GRM5: variants seen among roughly 807,000 people sequenced by gnomAD.
GRM5 encodes the protein metabotropic glutamate receptor 5.
In GRM5, 19 loss-of-function variants were observed where a neutral mutation model predicts 83.1. That is an observed-to-expected ratio of 0.23 (90% CI 0.16 to 0.34). The LOEUF (loss-of-function observed/expected upper bound fraction) is 0.34. Ranked by LOEUF, GRM5 falls within the 10% of genes least tolerant of loss-of-function variation. GRM5 has a pLI of 1.00. For missense variants in GRM5, 1,160 were observed against 1,588.3 expected (o/e 0.73, Z 4.58); for synonymous variants, 675 against 633.6 (o/e 1.07, Z -0.98).
At chr11:88,992,167 CAAGA>C (rs1320259622) in intron 2 of GRM5, among the ~76,000 whole-genome samples, 1 of 152,064 alleles carries the variant, frequency 6.6e-6, no homozygotes, top group Non-Finnish European at 1.5e-5. Context: ...AACAAATTTA[CAAGA>C]AAGAAACAAA....
In GRM5 at chr11:89,048,067, C is replaced by G. The variant is rs1463695961; in HGVS notation, c.-195G>C. ...AGATGATCCATGTGGTCATGATCTT[C>G]TAAACCTGAAAAAAAAAAAATAACA... On this transcript the variant is annotated 5_prime_UTR_variant, in exon 2 of 10. Transcript: ENST00000305447. The G allele has an allele frequency of 3.8e-6, 2 of 522,650 alleles. No individual in the cohort carries two copies. Among genetic ancestry groups the G allele is most frequent in the South Asian group, 2.6e-5 (1 of 38,558 alleles). The allele number at this position is 522,650 out of a possible 1,614,324, so 32.4% of individuals were successfully genotyped here.
Position 88,573,059 on chromosome 11 carries a change from C to T in GRM5, c.1691-5067G>A, listed in dbSNP as rs182251317. Among the ~76,000 whole-genome samples the T allele has an allele frequency of 7.1e-4, 108 of 152,218 alleles. 1 individual carries two copies. The highest frequency in any genetic ancestry group is 3.4e-3 in the Middle Eastern group (1 of 294). ...AAAACTGCGGTCCATTTTCTAATAA[C>T]ATCTATTTAGGTATCTATTCACTTT... On this transcript the variant is annotated intron_variant, in intron 7 of 9. Transcript: ENST00000305447.
chr11:88,931,524 A>C (rs1937705585), intron 2 of GRM5, among the ~76,000 whole-genome samples: 1 of 152,082 alleles, frequency 6.6e-6, no homozygotes, highest in Admixed American at 6.6e-5. Flanking sequence ...ATTGATAAGT[A>C]CAATGTAAAC....
Position 88,866,740 on chromosome 11 carries a change from G to T in GRM5, c.662-16585C>A, listed in dbSNP as rs552914837. ...ATTATGCTATACAATCTTGGCTTTT[G>T]TTGCCTTTGCTGTTGGTGCTTTAGT... is the stretch of plus-strand genomic sequence containing the variant. On this transcript the variant is annotated intron_variant, in intron 2 of 9. Transcript: ENST00000305447. 3.6e-3 allele frequency among the ~76,000 whole-genome samples: 550 copies of T among 152,182 alleles called. 3 individuals carry two copies. The highest frequency in any genetic ancestry group is 0.016 in the South Asian group (78 of 4,812).
intron 2 of GRM5, among the ~76,000 whole-genome samples, chr11:88,994,693 A>G (rs1405185696): frequency 6.8e-6 from 1 of 147,716 alleles, no homozygotes; most frequent in Admixed American, 6.7e-5. Context: ...ATTTTAATTT[A>G]CTTTATATCA....
intron 3 of GRM5, among the ~76,000 whole-genome samples, chr11:88,740,196 G>A (rs562674883): frequency 1.4e-4 from 22 of 152,124 alleles, no homozygotes; most frequent in African/African-American, 4.6e-4. Context: ...AATTTTAGCA[G>A]TTATTGATTA....
intron 2 of GRM5, among the ~76,000 whole-genome samples, chr11:88,943,450 G>A (rs4417271): frequency 3.2e-4 from 49 of 152,158 alleles, no homozygotes; most frequent in African/African-American, 1.1e-3. Flanking sequence ...GTCTAGGTCT[G>A]ACTGTAATGG....
At chr11:88,578,449 C>A (rs979117261) in intron 7 of GRM5, among the ~76,000 whole-genome samples, 1 of 152,138 alleles carries the variant, frequency 6.6e-6, no homozygotes, top group African/African-American at 2.4e-5. Context: ...CTGGCCATGT[C>A]AGAGTGGTTT....
intron 9 of GRM5, among the ~76,000 whole-genome samples, chr11:88,518,172 TTAA>T (rs1206745821): frequency 6.6e-6 from 1 of 151,918 alleles, no homozygotes; most frequent in Non-Finnish European, 1.5e-5. Context: ...TATGTTCAAT[TTAA>T]TAATATAAAA....
chr11:88,631,584 A>G (rs1436859925), intron 4 of GRM5, among the ~76,000 whole-genome samples: 1 of 152,196 alleles, frequency 6.6e-6, no homozygotes, highest in Non-Finnish European at 1.5e-5. Context: ...TAAATGAAGA[A>G]GGCAGGGCTA....
At chr11:88,524,671 C>T (rs1231348918) in intron 9 of GRM5, among the ~76,000 whole-genome samples, 7 of 152,156 alleles carry the variant, frequency 4.6e-5, no homozygotes, top group East Asian at 3.8e-4. Context: ...CACAGCACAG[C>T]GACAGAGAAT....
At chr11:88,677,399 A>G (rs1028277144) in intron 3 of GRM5, among the ~76,000 whole-genome samples, 2 of 152,134 alleles carry the variant, frequency 1.3e-5, no homozygotes, top group Non-Finnish European at 2.9e-5. Context: ...TTTAGCACTT[A>G]GATTTCTCTT....
chr11:88,525,494 T>C (rs1309358215), intron 8 of GRM5, 90 bp from the exon 9 acceptor site: 3 of 779,526 alleles, frequency 3.8e-6, no homozygotes, highest in Non-Finnish European at 6.5e-6. Flanking sequence ...ACTGTGGAGA[T>C]GGTCACTCTG....
rs377278740 is a variant in GRM5, at chr11:88,835,698, G to A, written c.911+14208C>T. On this transcript the variant is annotated intron_variant, in intron 3 of 9. Transcript: ENST00000305447. The stretch of plus-strand genomic sequence containing the variant: ...AAGAAAAGAAGCATTTTTAATCCAT[G>A]TTATTGATACAATTTAGCAAATGAG... 4.4e-4 allele frequency among the ~76,000 whole-genome samples: 67 copies of A among 152,316 alleles called. No homozygotes were observed. In the East Asian group the frequency reaches 6.6e-3, roughly 15 times the overall value.
chr11:88,524,169 C>T (rs1025893396), intron 9 of GRM5: 2 of 138,750 alleles, frequency 1.4e-5, no homozygotes, highest in East Asian at 2.0e-4. Flanking sequence ...GTCTCCAGGG[C>T]CCTTTTCTTT....
chr11:88,847,281 A>C (rs1944315848), intron 3 of GRM5, among the ~76,000 whole-genome samples: 1 of 152,172 alleles, frequency 6.6e-6, no homozygotes, highest in Non-Finnish European at 1.5e-5. Flanking sequence ...TGTAAGTATC[A>C]TAAGGGCAAT....
At chr11:88,683,078 T>C (rs6483365) in intron 3 of GRM5, among the ~76,000 whole-genome samples, 151,304 of 152,286 alleles carry the variant, frequency 0.99, 75,174 homozygotes, top group East Asian at 1. Context: ...CTTATATCAG[T>C]ATTATGTTAT....
rs1565236198 is a variant in GRM5 at position 88,798,823 on chromosome 11, A to AC, written c.911+51082_911+51083insG. On this transcript the variant is annotated intron_variant, in intron 3 of 9. Coordinates refer to ENST00000305447, the MANE Select transcript of GRM5 (RefSeq NM_001143831.3). ...AAAACACCAAAAAAAAAAAAAAAAA[A>AC]AAAACAACAACAACAACAAAAAAAA... Among the ~76,000 whole-genome samples the AC allele has an allele frequency of 4.1e-5, 5 of 120,590 alleles. No homozygotes were observed. The East Asian group carries it at 8.3e-4, about 20-fold the overall frequency. 79.1% of individuals were successfully genotyped at this position (120,590 alleles called of 152,430 possible).
chr11:88,909,386 T>C (rs1158275722), intron 2 of GRM5, among the ~76,000 whole-genome samples: 2 of 103,286 alleles, frequency 1.9e-5, no homozygotes, highest in African/African-American at 7.2e-5. Flanking sequence ...TCGTTCATAT[T>C]ATTCTTTTCT....
Sources: allele counts gnomAD v4.1 joint callset (sites outside exome capture counted in the v4.1 genomes callset), GRCh38; gene constraint gnomAD v4.1.1; transcripts MANE v1.5; gene names NCBI Gene and HGNC (gene_info 2026-07-23, HGNC 2026-07-21).